Variants in ZNF615 observed in about 807,000 individuals in gnomAD.
The protein encoded by ZNF615 is zinc finger protein 615.
In ZNF615, 15 loss-of-function variants were observed where a neutral mutation model predicts 15.3. That is an observed-to-expected ratio of 0.98 (90% confidence interval 0.66 to 1.51). The LOEUF (loss-of-function observed/expected upper bound fraction) is 1.51. Ranked by LOEUF, ZNF615 falls within the 40% of genes most tolerant of loss-of-function variation. The probability of loss-of-function intolerance (pLI) is 0.00; values close to 1 mark genes in which losing one functional copy is unlikely to be tolerated. For missense variants in ZNF615, 848 were observed against 895.9 expected, an observed-to-expected ratio of 0.95 and a Z score of 0.68; for synonymous variants, 268 against 294.6, an observed-to-expected ratio of 0.91 and a Z score of 0.92.
intron 5 of ZNF615, among the ~76,000 whole-genome samples, chr19:52,000,877 G>A (rs11882377): frequency 0.17 from 25,528 of 151,704 alleles, 2,292 homozygotes; most frequent in South Asian, 0.29. Context: ...CGCTTGAGCC[G>A]AGGAGGTCAA....
rs2086348017 is a variant in ZNF615, at chr19:51,994,212, G to A, written c.897C>T (p.Tyr299=). 1.2e-6 allele frequency: 2 copies of A among 1,613,928 alleles called. No homozygotes were observed. Among genetic ancestry groups the A allele is most frequent in the East Asian group, 4.5e-5 (2 of 44,870 alleles). The change falls in exon 7 of 7, where the codon TAC becomes TAT. Residue 299 remains tyrosine, a synonymous_variant. Transcript: ENST00000598071. The part of the protein sequence containing the change: ...HQKTHMGGKP[Y]TCSQCGKAFI... ...AGGCTTTCCCACATTGGCTACATGT[G>A]TAAGGTTTCCCTCCCATATGAGTTT... is the stretch of plus-strand genomic sequence containing the variant.
chr19:51,996,396 A>AAAAAC (rs1568500091), intron 6 of ZNF615, among the ~76,000 whole-genome samples: 3 of 146,348 alleles, frequency 2.0e-5, no homozygotes, highest in African/African-American at 7.9e-5. Flanking sequence ...AAAAAAAAAA[A>AAAAAC]AAAAAAAAAA....
At position 51,993,132 on chromosome 19, in the gene ZNF615, T is replaced by C. The variant is rs1369463959; in HGVS notation, c.1977A>G (p.Gly659=). The C allele has an allele frequency of 2.5e-6, 4 of 1,614,112 alleles. No individual in the cohort carries two copies. The highest frequency in any genetic ancestry group is 3.4e-6 in the Non-Finnish European group (4 of 1,180,040). Residue 659 remains glycine (G), a synonymous_variant, in exon 7 of 7, where the codon GGA becomes GGG. Transcript: ENST00000598071. ...ATTCAGTACATGCAAAGGAAGTCTT[T>C]CCTGTGTGAAATCGCTGATGTTGTA... ...CLIQHQRFHT[G]KTSFACTECG...
At position 51,993,581 on chromosome 19, in the gene ZNF615, G is replaced by A. The variant is rs757229739; in HGVS notation, c.1528C>T (p.Leu510Phe). Residue 510 changes from leucine (L) to phenylalanine (F), a missense_variant, in exon 7 of 7, where the codon CTT becomes TTT. Transcript: ENST00000598071. ...CGKGFTVKSR[L>F]IVHQRTHTGE... Reference sequence around the variant, plus strand: ...GTATGAGTTCGCTGATGCACAATAAGGCGGCTCTTCACAGTGAAGCCTTTT... The same window carrying A: ...GTATGAGTTCGCTGATGCACAATAAAGCGGCTCTTCACAGTGAAGCCTTTT... The A allele has an allele frequency of 6.2e-7, 1 of 1,614,072 alleles. No individual in the cohort carries two copies. The highest frequency in any genetic ancestry group is 1.1e-5 in the South Asian group (1 of 91,082).
At position 51,993,751 on chromosome 19, in the gene ZNF615, G is replaced by A. The variant is rs2086320366; in HGVS notation, c.1358C>T (p.Pro453Leu). The A allele has an allele frequency of 8.7e-6, 14 of 1,609,564 alleles. No individual in the cohort carries two copies. Among genetic ancestry groups the A allele is most frequent in the Non-Finnish European group, 1.1e-5 (13 of 1,178,672 alleles). ...ATGTGTTCGCTGATGTCTGATGAGTGGGCTCTTCAAAGCGAAGCCCTTTCC... is the reference window on the plus strand; with the variant it reads ...ATGTGTTCGCTGATGTCTGATGAGTAGGCTCTTCAAAGCGAAGCCCTTTCC... ...ECGKGFALKS[P>L]LIRHQRTHTG... Residue 453 changes from proline to leucine, a missense_variant, in exon 7 of 7, where the codon CCA becomes CTA. By Grantham distance (98) the Pro-to-Leu change is moderately conservative. Transcript: ENST00000598071.
chr19:51,996,396 A>C (rs1257096530), intron 6 of ZNF615, among the ~76,000 whole-genome samples: 9 of 146,348 alleles, frequency 6.1e-5, no homozygotes, highest in African/African-American at 2.1e-4. Context: ...AAAAAAAAAA[A>C]AAAAAAAAAA....
rs576153336 is a variant in ZNF615, at chr19:52,002,032, C to A, written c.142+123G>T. The stretch of plus-strand genomic sequence containing the variant: ...CTGTAACAAGAAGGTAGATTATACT[C>A]TCTTGTGTGGGGCAAGAGAATGATG... On this transcript the variant is annotated intron_variant, in intron 4 of 6. Coordinates refer to ENST00000598071, the MANE Select transcript of ZNF615 (RefSeq NM_001199324.2). The A allele has an allele frequency of 5.9e-5, 95 of 1,607,546 alleles. No homozygotes were observed. The African/African-American group carries it at 1.1e-3, about 19-fold the overall frequency.
Position 51,994,733 on chromosome 19 carries a change from T to A in ZNF615, c.376A>T (p.Asn126Tyr). The change falls in exon 7 of 7, where the codon AAT becomes TAT. Residue 126 changes from asparagine to tyrosine, a missense_variant. By Grantham distance (143) the Asn-to-Tyr change is moderately radical. Transcript: ENST00000598071. ...HEQNMFGNIV[N>Y]QNKGHFLLKQ... ...AGCAGGAAATGACCTTTGTTCTGATTAACAATATTTCCAAACATATTCTGT... is the reference window on the plus strand; with the variant it reads ...AGCAGGAAATGACCTTTGTTCTGATAAACAATATTTCCAAACATATTCTGT... 6.2e-7 allele frequency: 1 copy of A among 1,613,856 alleles called. No homozygotes were observed. The highest frequency in any genetic ancestry group is 8.5e-7 in the Non-Finnish European group (1 of 1,179,988).
Position 51,992,497 on chromosome 19 carries a change from G to C in ZNF615, c.*383C>G, listed in dbSNP as rs1378370110. 1.5e-5 allele frequency: 1 copy of C among 66,532 alleles called. No individual in the cohort carries two copies. The highest frequency in any genetic ancestry group is 2.4e-5 in the Non-Finnish European group (1 of 41,250). The allele number at this position is 66,532 out of a possible 1,614,324, so 4.1% of individuals were successfully genotyped here. On this transcript the variant is annotated 3_prime_UTR_variant, in exon 7 of 7. Transcript: ENST00000598071. ...ACATTTTACTGAAAACCCTGCCACA[G>C]GGGTTTGCCAGAGGAAAGTATTTCT...
Position 52,000,385 on chromosome 19 carries a change from T to C in ZNF615, c.239-7A>G, listed in dbSNP as rs1470913409. 1 of 625,788 alleles carries C rather than the reference T, an allele frequency of 1.6e-6. No individual in the cohort carries two copies. The highest frequency in any genetic ancestry group is 2.9e-5 in the East Asian group (1 of 34,942). The allele number at this position is 625,788 out of a possible 1,614,324, so 38.8% of individuals were successfully genotyped here. ...CCTGATGCACCTCCTGAATCTAAAA[T>C]AAAAACATAAAAGATAAAATAAAAT... On this transcript the variant is annotated splice_polypyrimidine_tract_variant and splice_region_variant and intron_variant, in intron 5 of 6. Transcript: ENST00000598071.
chr19:51,994,641 G>C lies in ZNF615; in HGVS notation c.468C>G (p.Asn156Lys). The C allele has an allele frequency of 6.2e-7, 1 of 1,612,868 alleles. No homozygotes were observed. Among genetic ancestry groups the C allele is most frequent in the South Asian group, 1.1e-5 (1 of 90,890 alleles). ...KPLKSNLSFE[N>K]QKRSSGLKNS... ...TCTTTAGGCCAGAGCTCCTTTTCTG[G>C]TTTTCAAAACTTAAATTTGATTTTA... is the stretch of plus-strand genomic sequence containing the variant. The change falls in exon 7 of 7, where the codon AAC becomes AAG. Residue 156 changes from asparagine to lysine, a missense_variant. By Grantham distance (94) the Asn-to-Lys change is moderately conservative. Transcript: ENST00000598071.
chr19:51,998,511 A>G (rs1401788334), intron 6 of ZNF615, among the ~76,000 whole-genome samples: 1 of 152,194 alleles, frequency 6.6e-6, no homozygotes, highest in Non-Finnish European at 1.5e-5. Context: ...TTACTCCAAG[A>G]TATGTTATTT....
chr19:51,996,407 A>AAAAAAAAAAAAAC (rs755143397), intron 6 of ZNF615, among the ~76,000 whole-genome samples: 14 of 138,288 alleles, frequency 1.0e-4, no homozygotes, highest in African/African-American at 3.0e-4. Context: ...AAAAAAAAAA[A>AAAAAAAAAAAAAC]ACGCAAAACT....
intron 6 of ZNF615, among the ~76,000 whole-genome samples, chr19:51,997,707 C>T (rs2086482237): frequency 6.6e-6 from 1 of 152,178 alleles, no homozygotes; most frequent in Admixed American, 6.5e-5. Flanking sequence ...GGCCTTGGGT[C>T]ATATCAGATA....
At chr19:52,005,364 A>C (rs995112118) in intron 2 of ZNF615, among the ~76,000 whole-genome samples, 3 of 152,252 alleles carry the variant, frequency 2.0e-5, no homozygotes, top group African/African-American at 7.2e-5. Flanking sequence ...AATTACCATA[A>C]CATTAACAAA....
chr19:52,001,631 AAAAAG>A, intron 5 of ZNF615, 177 bp downstream of exon 5: 14 of 569,810 alleles, frequency 2.5e-5, no homozygotes, highest in Non-Finnish European at 3.4e-5. Flanking sequence ...AAAAAAAAAA[AAAAAG>A]AAAAGAAAGT....
chr19:52,006,848 T>G (rs532451987), intron 2 of ZNF615, among the ~76,000 whole-genome samples: 2 of 152,248 alleles, frequency 1.3e-5, no homozygotes, highest in East Asian at 3.9e-4. Flanking sequence ...AATATTGTAA[T>G]ACTAAGAATT....
chr19:51,995,674 G>A (rs948539067), intron 6 of ZNF615, among the ~76,000 whole-genome samples: 2 of 150,420 alleles, frequency 1.3e-5, no homozygotes, highest in Admixed American at 6.7e-5. Flanking sequence ...AGGCTCAAGT[G>A]ATCCTCCCAC....
Position 51,993,705 on chromosome 19 carries a change from T to C in ZNF615, c.1404A>G (p.Val468=), listed in dbSNP as rs564261483. 1.9e-6 allele frequency: 3 copies of C among 1,614,094 alleles called. No individual in the cohort carries two copies. Among genetic ancestry groups the C allele is most frequent in the Admixed American group, 3.3e-5 (2 of 59,992 alleles). The change falls in exon 7 of 7, where the codon GTA becomes GTG. Residue 468 remains valine, a synonymous_variant. Transcript: ENST00000598071. Reference sequence around the variant, plus strand: ...TGAAACCTTTTCGACATTCGGTGCATACATAGGGTTTCTCTCCAGTATGTG... The same window carrying C: ...TGAAACCTTTTCGACATTCGGTGCACACATAGGGTTTCTCTCCAGTATGTG... ...QRTHTGEKPY[V]CTECRKGFTM... is the part of the protein sequence containing the mutation.
Sources: gnomAD v4.1 joint callset for allele counts (sites outside exome capture counted in the v4.1 genomes callset) on GRCh38, gnomAD v4.1.1 for gene constraint, MANE v1.5 for transcripts, NCBI Gene and HGNC (gene_info 2026-07-23, HGNC 2026-07-21) for gene names.